MIPOL1: variants seen among roughly 807,000 people sequenced by gnomAD.
The protein encoded by MIPOL1 is mirror-image polydactyly gene 1 protein.
A neutral mutation model predicts 60.9 loss-of-function variants in MIPOL1; 57 were observed. The ratio of observed to expected loss-of-function variants is 0.94; its 90% CI spans 0.76 to 1.17. The LOEUF is 1.17. MIPOL1 is among the 50% of genes most tolerant of loss of function. The pLI, the probability that MIPOL1 is intolerant of heterozygous loss-of-function variation, is 0.00. For synonymous variants in MIPOL1, 179 were observed against 168.8 expected, an observed-to-expected ratio of 1.06 and a Z score of -0.47; for missense variants, 551 against 511.6, an observed-to-expected ratio of 1.08 and a Z score of -0.74.
chr14:37,499,485 C>G (rs1032349943), intron 11 of MIPOL1, among the ~76,000 whole-genome samples: 2 of 152,094 alleles, frequency 1.3e-5, no homozygotes, highest in Non-Finnish European at 2.9e-5. Flanking sequence ...TAAACCTCAT[C>G]CATTCTCATT....
intron 9 of MIPOL1, among the ~76,000 whole-genome samples, chr14:37,347,874 G>A (rs1231888301): frequency 2.0e-5 from 3 of 152,104 alleles, no homozygotes; most frequent in African/African-American, 7.2e-5. Flanking sequence ...AAGACCGGAT[G>A]TCTCAGTAAA....
At position 37,267,053 on chromosome 14, in the gene MIPOL1, A is replaced by G. The variant is rs762695734; in HGVS notation, c.135A>G (p.Leu45=). 6.2e-7 allele frequency: 1 copy of G among 1,613,918 alleles called. No individual in the cohort carries two copies. The highest frequency in any genetic ancestry group is 8.5e-7 in the Non-Finnish European group (1 of 1,179,952). Residue 45 remains leucine, a synonymous_variant, in exon 4 of 13, where the codon TTA becomes TTG. Transcript: ENST00000684589. ...EKSMHRKSTE[L]VNEITCENTE... ...GTATGCATCGGAAATCCACTGAATTAGTTAATGAAATAACATGTGAGAACA... is the reference window on the plus strand; with the variant it reads ...GTATGCATCGGAAATCCACTGAATTGGTTAATGAAATAACATGTGAGAACA...
chr14:37,354,024 G>C (rs994836076), intron 9 of MIPOL1, among the ~76,000 whole-genome samples: 1 of 151,188 alleles, frequency 6.6e-6, no homozygotes, highest in Non-Finnish European at 1.5e-5. Context: ...GATCTTTCCT[G>C]CTTTCTCTTG....
intron 11 of MIPOL1, among the ~76,000 whole-genome samples, chr14:37,431,807 G>A (rs1417826778): frequency 6.6e-6 from 1 of 150,624 alleles, no homozygotes; most frequent in Non-Finnish European, 1.5e-5. Flanking sequence ...GGATGGTCTC[G>A]GTCTCCTGAC....
chr14:37,544,666 G>C (rs760252089), intron 12 of MIPOL1, among the ~76,000 whole-genome samples: 1 of 152,188 alleles, frequency 6.6e-6, no homozygotes, highest in Non-Finnish European at 1.5e-5. Context: ...GAAGGAATAG[G>C]TGCTTCATTG....
chr14:37,519,038 T>C (rs1017156215), intron 12 of MIPOL1, among the ~76,000 whole-genome samples: 1 of 152,094 alleles, frequency 6.6e-6, no homozygotes, highest in African/African-American at 2.4e-5. Context: ...ATAATGTCAG[T>C]TAATAAATGT....
At chr14:37,489,226 T>C (rs1362797625) in intron 11 of MIPOL1, among the ~76,000 whole-genome samples, 1 of 152,184 alleles carries the variant, frequency 6.6e-6, no homozygotes, top group Admixed American at 6.5e-5. Flanking sequence ...GTCTCTGATA[T>C]CCTTTCTTCC....
At chr14:37,304,228 G>T (rs2086589009) in intron 7 of MIPOL1, among the ~76,000 whole-genome samples, 1 of 151,404 alleles carries the variant, frequency 6.6e-6, no homozygotes, top group Non-Finnish European at 1.5e-5. Flanking sequence ...TCTCTCATCT[G>T]CTTTGCTACT....
intron 1 of MIPOL1, among the ~76,000 whole-genome samples, chr14:37,243,335 G>C (rs1345029447): frequency 6.6e-6 from 1 of 152,134 alleles, no homozygotes; most frequent in Non-Finnish European, 1.5e-5. Context: ...GGAAGAGAAC[G>C]TGTCAGGGGC....
chr14:37,318,525 T>C (rs946006598), intron 9 of MIPOL1, among the ~76,000 whole-genome samples: 2 of 152,154 alleles, frequency 1.3e-5, no homozygotes, highest in African/African-American at 4.8e-5. Flanking sequence ...TTTCAGTCAG[T>C]CTTGCTAAAA....
chr14:37,486,835 G>A (rs1027769967), intron 11 of MIPOL1, among the ~76,000 whole-genome samples: 1 of 152,036 alleles, frequency 6.6e-6, no homozygotes, highest in Non-Finnish European at 1.5e-5. Flanking sequence ...TTGCCTGATT[G>A]TCCTGGCTAG....
chr14:37,251,368 C>T (rs1440851760), intron 3 of MIPOL1, among the ~76,000 whole-genome samples: 1 of 151,830 alleles, frequency 6.6e-6, no homozygotes, highest in Admixed American at 6.6e-5. Context: ...GTATCTAGCC[C>T]CCAAGTTTCT....
intron 3 of MIPOL1, among the ~76,000 whole-genome samples, chr14:37,249,810 CAATT>C (rs368430949): frequency 1.8e-3 from 271 of 151,862 alleles, no homozygotes; most frequent in African/African-American, 6.2e-3. Context: ...GCATTTTACT[CAATT>C]GATGTTAAAA....
intron 9 of MIPOL1, among the ~76,000 whole-genome samples, chr14:37,332,168 A>G (rs1376342035): frequency 6.6e-6 from 1 of 150,444 alleles, no homozygotes; most frequent in Non-Finnish European, 1.5e-5. Context: ...GTTTTTTCCT[A>G]TTCTATATGA....
intron 12 of MIPOL1, among the ~76,000 whole-genome samples, chr14:37,528,856 T>C (rs187321707): frequency 6.6e-6 from 1 of 152,270 alleles, no homozygotes; most frequent in East Asian, 1.9e-4. Context: ...ACTGCTATAG[T>C]TTGCACAGAC....
At chr14:37,362,739 G>A (rs2092319513) in intron 9 of MIPOL1, among the ~76,000 whole-genome samples, 1 of 152,046 alleles carries the variant, frequency 6.6e-6, no homozygotes, top group Non-Finnish European at 1.5e-5. Context: ...TCACTTTCCG[G>A]TACACCAATC....
chr14:37,429,854 G>T (rs905961394), intron 11 of MIPOL1, among the ~76,000 whole-genome samples: 10 of 151,910 alleles, frequency 6.6e-5, no homozygotes, highest in Non-Finnish European at 1.0e-4. Flanking sequence ...TGTTTTAATG[G>T]TAGTGATAGT....
intron 3 of MIPOL1, among the ~76,000 whole-genome samples, chr14:37,249,310 C>T (rs1270835941): frequency 6.6e-6 from 1 of 152,050 alleles, no homozygotes; most frequent in Non-Finnish European, 1.5e-5. Flanking sequence ...CATAGTCCTG[C>T]CACATTTTTA....
chr14:37,308,820 A>G (rs1283159806), intron 9 of MIPOL1, among the ~76,000 whole-genome samples: 2 of 152,098 alleles, frequency 1.3e-5, no homozygotes, highest in Non-Finnish European at 2.9e-5. Context: ...AATCACTTTT[A>G]TATGGGACTT....
Sources: allele counts gnomAD v4.1 joint callset (sites outside exome capture counted in the v4.1 genomes callset), GRCh38; gene constraint gnomAD v4.1.1; transcripts MANE v1.5; gene names NCBI Gene and HGNC (gene_info 2026-07-23, HGNC 2026-07-21).